Variants in ZBTB40 observed in about 807,000 individuals in gnomAD.
ZBTB40 encodes the protein zinc finger and BTB domain containing 40.
ZBTB40 carries 60 observed loss-of-function variants against 117.5 expected under a neutral mutation model. The observed-to-expected ratio is 0.51, with a 90% CI of 0.41 to 0.63. ZBTB40 has a LOEUF of 0.63. Among genes scored for constraint, ZBTB40 ranks in the 30% least tolerant of loss-of-function variants. ZBTB40 has a pLI of 0.00. For missense variants in ZBTB40, 1,287 were observed against 1,498.5 expected (o/e 0.86, Z 2.33); for synonymous variants, 525 against 577.1 (o/e 0.91, Z 1.29).
chr1:22,480,544 G>A (rs66471651), intron 1 of ZBTB40, among the ~76,000 whole-genome samples: 50,970 of 151,562 alleles, frequency 0.34, 9,854 homozygotes, highest in African/African-American at 0.5. Flanking sequence ...TAGAGACGGG[G>A]TTTCATCGTG....
In ZBTB40 at chr1:22,501,495, A is replaced by G; in HGVS notation, c.835A>G (p.Ile279Val). The change falls in exon 4 of 18, where the codon ATA becomes GTA. Residue 279 changes from isoleucine (I) to valine (V), a missense_variant. This residue lies in a region of ZBTB40 where 870 missense variants were observed against 934.4 expected (regional missense o/e 0.93). Coordinates refer to ENST00000375647, the MANE Select transcript of ZBTB40 (RefSeq NM_014870.4). ...TCTGGGTACTTTTGTTCCATAGATG[A>G]TAGTGAAATGTTTCGAGGGTGAAGG... ...SEIKGPQKEM[I>V]VKCFEGEGGH... is the part of the protein sequence containing the mutation. The G allele has an allele frequency of 6.2e-7, 1 of 1,614,132 alleles. No individual in the cohort carries two copies. Among genetic ancestry groups the G allele is most frequent in the Non-Finnish European group, 8.5e-7 (1 of 1,179,978 alleles).
intron 3 of ZBTB40, 65 bp from the exon 4 acceptor site, chr1:22,501,427 A>C: frequency 6.3e-7 from 1 of 1,586,230 alleles, no homozygotes; most frequent in South Asian, 1.1e-5. Flanking sequence ...TTGTTTGCCA[A>C]ATGCAAGGAG....
chr1:22,452,648 G>T (rs1025580972), intron 1 of ZBTB40: 1 of 152,306 alleles, frequency 6.6e-6, no homozygotes, highest in African/African-American at 2.4e-5. Context: ...TTTCTGTCTG[G>T]TCCCTTACAG....
At chr1:22,516,530 T>A (rs1191929115) in intron 12 of ZBTB40, among the ~76,000 whole-genome samples, 1 of 152,128 alleles carries the variant, frequency 6.6e-6, no homozygotes, top group Admixed American at 6.5e-5. Context: ...TAATTTCACC[T>A]CTCCATTCAA....
intron 9 of ZBTB40, among the ~76,000 whole-genome samples, chr1:22,510,823 C>A (rs986280055): frequency 7.2e-5 from 11 of 152,286 alleles, no homozygotes; most frequent in African/African-American, 2.2e-4. Flanking sequence ...CACCGACGAC[C>A]AAATCCTATA....
intron 17 of ZBTB40, among the ~76,000 whole-genome samples, chr1:22,525,127 C>T (rs1232147233): frequency 7.9e-5 from 12 of 152,154 alleles, no homozygotes; most frequent in Admixed American, 7.9e-4. Context: ...TTCTTACAGG[C>T]CTCTGGGGAA....
chr1:22,484,420 G>A (rs760670949), intron 1 of ZBTB40, among the ~76,000 whole-genome samples: 11 of 152,254 alleles, frequency 7.2e-5, no homozygotes, highest in Non-Finnish European at 1.0e-4. Flanking sequence ...AGTGTAAATG[G>A]TAAAGTTTTT....
intron 1 of ZBTB40, among the ~76,000 whole-genome samples, chr1:22,437,233 C>T (rs1640680837): frequency 6.6e-6 from 1 of 152,086 alleles, no homozygotes; most frequent in African/African-American, 2.4e-5. Context: ...TTTACCAGAG[C>T]ATAATAAACC....
At chr1:22,518,954 C>A (rs1322833593) in intron 13 of ZBTB40, among the ~76,000 whole-genome samples, 3 of 152,276 alleles carry the variant, frequency 2.0e-5, no homozygotes, top group African/African-American at 7.2e-5. Context: ...TTTGCCATAC[C>A]CTAAACTATA....
intron 1 of ZBTB40, chr1:22,452,628 G>A (rs1358304331): frequency 6.6e-6 from 1 of 152,316 alleles, no homozygotes; most frequent in Non-Finnish European, 1.5e-5. Context: ...GGCTCACAAA[G>A]CCAGAAATAT....
chr1:22,450,477 T>C (rs1036472988), upstream of ZBTB40, among the ~76,000 whole-genome samples: 1 of 152,108 alleles, frequency 6.6e-6, no homozygotes, highest in Non-Finnish European at 1.5e-5. Context: ...ATGAGTATAA[T>C]AGTGAAAGTG....
At chr1:22,508,420 A>C in intron 7 of ZBTB40, 110 bp from the exon 8 acceptor site, 1 of 1,350,064 alleles carries the variant, frequency 7.4e-7, no homozygotes, top group Non-Finnish European at 1.1e-6. Flanking sequence ...ATGTTGAAAA[A>C]CTCCTTCCCC....
rs1174136609 is a variant in ZBTB40 at position 22,528,017 on chromosome 1, A to C, written c.*1621A>C. Reference sequence around the variant, plus strand: ...TGAGCTTGTCAATTAGGGTTCTGCCATTCTGAAATAAATGAAGTTTCTAAA... The same window carrying C: ...TGAGCTTGTCAATTAGGGTTCTGCCCTTCTGAAATAAATGAAGTTTCTAAA... On this transcript the variant is annotated 3_prime_UTR_variant, in exon 18 of 18. Coordinates refer to ENST00000375647, the MANE Select transcript of ZBTB40 (RefSeq NM_014870.4). The C allele has an allele frequency of 6.5e-6, 1 of 152,692 alleles. No individual in the cohort carries two copies. The highest frequency in any genetic ancestry group is 1.5e-5 in the Non-Finnish European group (1 of 68,036). 9.5% of individuals were successfully genotyped at this position (152,692 alleles called of 1,614,324 possible). A position where few individuals can be genotyped will look rare whatever the true frequency, so the allele number is the denominator to read the frequency against.
chr1:22,494,216 G>A (rs1638711736), intron 3 of ZBTB40, among the ~76,000 whole-genome samples: 1 of 152,178 alleles, frequency 6.6e-6, no homozygotes, highest in Admixed American at 6.5e-5. Flanking sequence ...TCTGACACGA[G>A]ATGGTTTGCT....
upstream of ZBTB40, among the ~76,000 whole-genome samples, chr1:22,449,110 G>A (rs555414490): frequency 3.9e-5 from 6 of 152,158 alleles, no homozygotes; most frequent in East Asian, 1.9e-4. Flanking sequence ...CACCGCAGCC[G>A]GCCGGTTGTT....
At chr1:22,504,179 A>G (rs1569857854) in intron 5 of ZBTB40, among the ~76,000 whole-genome samples, 1 of 152,336 alleles carries the variant, frequency 6.6e-6, no homozygotes, top group Non-Finnish European at 1.5e-5. Context: ...GAATAGCCAC[A>G]GTATTTTGAC....
intron 6 of ZBTB40, 78 bp downstream of exon 6, chr1:22,506,319 A>G (rs775499365): frequency 1.4e-5 from 19 of 1,393,250 alleles, no homozygotes; most frequent in Non-Finnish European, 1.8e-5. Flanking sequence ...TTTTGGCTCC[A>G]TGCTGGGGAG....
At chr1:22,498,857 G>T (rs1360023050) in intron 3 of ZBTB40, among the ~76,000 whole-genome samples, 1 of 151,240 alleles carries the variant, frequency 6.6e-6, no homozygotes, top group African/African-American at 2.4e-5. Flanking sequence ...ATGCACAAAA[G>T]GCAGGCAGGA....
At chr1:22,510,876 G>T (rs1360058761) in intron 9 of ZBTB40, among the ~76,000 whole-genome samples, 1 of 152,052 alleles carries the variant, frequency 6.6e-6, no homozygotes, top group African/African-American at 2.4e-5. Flanking sequence ...AAGGTCTTTG[G>T]GAGACTCCTA....
Sources: allele counts gnomAD v4.1 joint callset (sites outside exome capture counted in the v4.1 genomes callset), GRCh38; gene constraint gnomAD v4.1.1; regional missense constraint gnomAD v4.1.1; transcripts MANE v1.5; gene names NCBI Gene and HGNC (gene_info 2026-07-23, HGNC 2026-07-21).